Variants in MYH1 observed in about 807,000 individuals in gnomAD.
MYH1 encodes myosin heavy chain 1.
In MYH1, 214 loss-of-function variants were observed where a neutral mutation model predicts 225.6. The observed-to-expected ratio is 0.95, with a 90% confidence interval of 0.85 to 1.06. MYH1 has a LOEUF of 1.06. MYH1 is among the 50% of genes least tolerant of loss of function. The pLI is 0.00. For synonymous variants in MYH1, 774 were observed against 842.3 expected, an observed-to-expected ratio of 0.92 and a Z score of 1.40; for missense variants, 2,098 against 2,344.2, an observed-to-expected ratio of 0.89 and a Z score of 2.17.
Position 10,511,846 on chromosome 17 carries a change from A to G in MYH1, c.1409T>C (p.Ile470Thr). The G allele has an allele frequency of 6.2e-7, 1 of 1,614,152 alleles. No homozygotes were observed. Among genetic ancestry groups the G allele is most frequent in the African/African-American group, 1.3e-5 (1 of 75,036 alleles). The stretch of plus-strand genomic sequence containing the variant: ...ATTTTTCTGCTAACTCACATCAAAG[A>G]TCTCAAAGCCAGCAATGTCCAAGAC... The part of the protein sequence containing the change: ...IGVLDIAGFE[I>T]FDFNSLEQLC... The change falls in exon 14 of 40, where the codon ATC becomes ACC. Residue 470 changes from isoleucine (I) to threonine (T), a missense_variant. Ile to Thr is a moderately conservative substitution (Grantham distance 89). Coordinates refer to ENST00000226207, the MANE Select transcript of MYH1 (RefSeq NM_005963.4).
chr17:10,498,559 C>T (rs2073019167), intron 30 of MYH1, 67 bp downstream of exon 30: 9 of 1,601,808 alleles, frequency 5.6e-6, no homozygotes, highest in Admixed American at 3.4e-5. Flanking sequence ...TGTTTTTTCC[C>T]TAGTTTTTCA....
intron 29 of MYH1, 37 bp from the exon 30 acceptor site, chr17:10,498,859 T>C (rs1262652706): frequency 8.7e-6 from 14 of 1,610,834 alleles, no homozygotes; most frequent in Non-Finnish European, 1.1e-5. Flanking sequence ...ATTTTATATA[T>C]TTAAAGTGAT....
In MYH1 at chr17:10,496,549, C is replaced by T; in HGVS notation, c.4657G>A (p.Ala1553Thr). 6.2e-7 allele frequency: 1 copy of T among 1,614,052 alleles called. No homozygotes were observed. Among genetic ancestry groups the T allele is most frequent in the South Asian group, 1.1e-5 (1 of 91,074 alleles). ...ELQAALEEAE[A>T]SLEHEEGKIL... Reference sequence around the variant, plus strand: ...TTTCCCTCTTCATGTTCAAGAGATGCCTTAATGACAGCAAGAGGTGACATT... The same window carrying T: ...TTTCCCTCTTCATGTTCAAGAGATGTCTTAATGACAGCAAGAGGTGACATT... The change falls in exon 34 of 40, where the codon GCA (alanine) becomes ACA (threonine). Residue 1553 changes from alanine to threonine, a missense_variant and splice_region_variant. By Grantham distance (58) the Ala-to-Thr change is moderately conservative. Coordinates refer to ENST00000226207, the MANE Select transcript of MYH1 (RefSeq NM_005963.4).
chr17:10,505,587 C>T lies in MYH1; in HGVS notation c.2175-76G>A, dbSNP rs2073103606. 2.4e-5 allele frequency: 37 copies of T among 1,536,706 alleles called. No homozygotes were observed. In the South Asian group the frequency reaches 4.3e-4, roughly 18 times the overall value. On this transcript the variant is annotated intron_variant, in intron 19 of 39. Coordinates refer to ENST00000226207, the MANE Select transcript of MYH1 (RefSeq NM_005963.4). ...TCTTCCTGTCTGGCTATAGAAACAA[C>T]ATAGCCACTGGGTAATCTGAAATAA...
intron 6 of MYH1, among the ~76,000 whole-genome samples, 157 bp downstream of exon 6, chr17:10,514,711 A>G (rs1218019291): frequency 6.6e-6 from 1 of 152,218 alleles, no homozygotes; most frequent in Non-Finnish European, 1.5e-5. Context: ...TTTACATTCT[A>G]ATGCAATGTA....
chr17:10,492,600 A>G, intron 39 of MYH1, 32 bp from the exon 40 acceptor site: 3 of 1,586,824 alleles, frequency 1.9e-6, no homozygotes, highest in Non-Finnish European at 2.6e-6. Context: ...TGAGGGAAGA[A>G]AGTTCAGAAT....
chr17:10,492,708 A>AT (rs1424590466), intron 39 of MYH1, 140 bp from the exon 40 acceptor site: 3 of 985,048 alleles, frequency 3.0e-6, no homozygotes, highest in Admixed American at 7.1e-5. Flanking sequence ...ATGCTCTTGA[A>AT]TTTTTATTTT....
Position 10,516,489 on chromosome 17 carries a change from C to G in MYH1, c.154G>C (p.Val52Leu), listed in dbSNP as rs765214833. 2 of 1,614,228 alleles carry G rather than the reference C, an allele frequency of 1.2e-6. No homozygotes were observed. The highest frequency in any genetic ancestry group is 1.7e-6 in the Non-Finnish European group (2 of 1,180,044). The stretch of plus-strand genomic sequence containing the variant: ...ACCTTCCCCCCTTCCCTGCTCTGCA[C>G]TGTTGCTTTCACAAAGGACTCCTTA... ...DPKESFVKATVQSREGGKVTA... is the reference protein window; with the variant it reads ...DPKESFVKATLQSREGGKVTA... The change falls in exon 3 of 40, where the codon GTG becomes CTG. Residue 52 changes from valine (V) to leucine (L), a missense_variant. Val to Leu is a conservative substitution (Grantham distance 32). Coordinates refer to ENST00000226207, the MANE Select transcript of MYH1 (RefSeq NM_005963.4).
At chr17:10,510,797 A>G (rs1413228147) in intron 14 of MYH1, among the ~76,000 whole-genome samples, 5 of 152,184 alleles carry the variant, frequency 3.3e-5, no homozygotes, top group Non-Finnish European at 7.3e-5. Flanking sequence ...GGGGGAGGAC[A>G]AAATAGAATT....
chr17:10,501,753 T>G lies in MYH1; in HGVS notation c.3257+13A>C. 6.2e-7 allele frequency: 1 copy of G among 1,613,998 alleles called. No homozygotes were observed. The highest frequency in any genetic ancestry group is 8.5e-7 in the Non-Finnish European group (1 of 1,179,978). On this transcript the variant is annotated intron_variant, in intron 25 of 39. Transcript: ENST00000226207. ...TAATTTCCCCACAAAACTGTTGACC[T>G]AAAACTGCTTACTTTTTAAGCTTTT...
rs775067867 is a variant in MYH1 at position 10,492,489 on chromosome 17, A to G, written c.5747T>C (p.Ile1916Thr). The change falls in exon 40 of 40, where the codon ATT becomes ACT. Residue 1916 changes from isoleucine to threonine, a missense_variant. By Grantham distance (89) the Ile-to-Thr change is moderately conservative (BLOSUM62 -1). Transcript: ENST00000226207. ...ELEEAEERAD[I>T]AESQVNKLRV... The stretch of plus-strand genomic sequence containing the variant: ...CAGCTTGTTGACCTGGGACTCAGCA[A>G]TGTCAGCCCGTTCCTCGGCCTCCTC... 1 of 1,614,064 alleles carries G rather than the reference A, an allele frequency of 6.2e-7. No individual in the cohort carries two copies. The highest frequency in any genetic ancestry group is 1.3e-5 in the African/African-American group (1 of 74,936).
rs1466532758 is a variant in MYH1, at chr17:10,494,345, T to C, written c.5667+9A>G. On this transcript the variant is annotated intron_variant, in intron 39 of 39. Transcript: ENST00000226207. The stretch of plus-strand genomic sequence containing the variant: ...TGAGAAAAATCACCCCAAGGGGTTG[T>C]GAACTCACCGCTTCTTCAGCTTGTC... 2.5e-6 allele frequency: 4 copies of C among 1,613,594 alleles called. No individual in the cohort carries two copies. The highest frequency in any genetic ancestry group is 3.4e-6 in the Non-Finnish European group (4 of 1,179,776).
Position 10,498,972 on chromosome 17 carries a change from A to G in MYH1, c.3984+2T>C. 1.2e-6 allele frequency: 2 copies of G among 1,609,754 alleles called. No individual in the cohort carries two copies. The highest frequency in any genetic ancestry group is 1.7e-6 in the Non-Finnish European group (2 of 1,176,460). On this transcript the variant is annotated splice_donor_variant, in intron 29 of 39. Coordinates refer to ENST00000226207, the MANE Select transcript of MYH1 (RefSeq NM_005963.4). LOFTEE classifies it high-confidence loss of function. Reference sequence around the variant, plus strand: ...ATGACAAGAATGACAAGTGGAGCTTACCTTTATCTCCTCTTCAAGTTGCCT... The same window carrying G: ...ATGACAAGAATGACAAGTGGAGCTTGCCTTTATCTCCTCTTCAAGTTGCCT...
intron 30 of MYH1, 136 bp from the exon 31 acceptor site, chr17:10,498,053 A>G: frequency 8.6e-6 from 7 of 815,386 alleles, no homozygotes; most frequent in Non-Finnish European, 1.3e-5. Flanking sequence ...GTCCAGTTCT[A>G]TATTAACTCA....
intron 19 of MYH1, 72 bp downstream of exon 19, chr17:10,505,740 G>C: frequency 6.3e-7 from 1 of 1,581,854 alleles, no homozygotes; most frequent in Non-Finnish European, 8.7e-7. Flanking sequence ...AGGTATAAAG[G>C]ATTCTTTCAT....
rs2073108605 is a variant in MYH1, at chr17:10,506,014, G to A, written c.2054C>T (p.Pro685Leu). Residue 685 changes from proline (P) to leucine (L), a missense_variant and splice_region_variant, in exon 18 of 40, where the codon CCT (proline) becomes CTT (leucine). Transcript: ENST00000226207. ...RCIIPNETKTPGAMEHELVLH... is the reference protein window; with the variant it reads ...RCIIPNETKTLGAMEHELVLH... Reference sequence around the variant, plus strand: ...TCTGGATATCAGAAATGTCTTACCAGGAGTTTTAGTTTCATTGGGGATGAT... The same window carrying A: ...TCTGGATATCAGAAATGTCTTACCAAGAGTTTTAGTTTCATTGGGGATGAT... 2 of 1,614,046 alleles carry A rather than the reference G, an allele frequency of 1.2e-6. No individual in the cohort carries two copies. Among genetic ancestry groups the A allele is most frequent in the African/African-American group, 1.3e-5 (1 of 74,914 alleles).
intron 2 of MYH1, among the ~76,000 whole-genome samples, chr17:10,517,650 T>C (rs1455334303): frequency 6.6e-6 from 1 of 152,214 alleles, no homozygotes; most frequent in East Asian, 1.9e-4. Flanking sequence ...ATAATTAAAA[T>C]GCTTCATCTT....
At chr17:10,493,019 T>G (rs1040758361) in intron 39 of MYH1, among the ~76,000 whole-genome samples, 2 of 152,204 alleles carry the variant, frequency 1.3e-5, no homozygotes, top group Non-Finnish European at 2.9e-5. Flanking sequence ...AGCAAGAAGT[T>G]TGTTTCCTAA....
Position 10,506,096 on chromosome 17 carries a change from TCTC to T in MYH1, c.1969_1971del (p.Glu657del), listed in dbSNP as rs1320248620. On this transcript the variant is annotated inframe_deletion and splice_region_variant, in exon 18 of 40. Coordinates refer to ENST00000226207, the MANE Select transcript of MYH1 (RefSeq NM_005963.4). ...AAGTTGGTCATCAGCTTATTCAAATTCTCCTGTGGAACCATGCGAGTTTATACT... is the reference window on the plus strand; with the variant it reads ...AAGTTGGTCATCAGCTTATTCAAATTCTGTGGAACCATGCGAGTTTATACT... The T allele has an allele frequency of 1.2e-6, 2 of 1,614,080 alleles. No homozygotes were observed. The highest frequency in any genetic ancestry group is 8.5e-7 in the Non-Finnish European group (1 of 1,180,028).
Sources: gnomAD v4.1 joint callset for allele counts (sites outside exome capture counted in the v4.1 genomes callset) on GRCh38, gnomAD v4.1.1 for gene constraint, MANE v1.5 for transcripts, NCBI Gene and HGNC (gene_info 2026-07-23, HGNC 2026-07-21) for gene names.